The following ADORA1 variants were observed in gnomAD, a reference collection of about 807,000 sequenced individuals.
ADORA1 encodes adenosine A1 receptor, also known as adenosine receptor A1.
A neutral mutation model predicts 19.9 loss-of-function variants in ADORA1; 6 were observed. The ratio of observed to expected loss-of-function variants is 0.30; its 90% CI spans 0.17 to 0.59. ADORA1 has a LOEUF of 0.59. ADORA1 is among the 20% of genes least tolerant of loss of function. The probability of loss-of-function intolerance (pLI) is 0.87; values close to 1 mark genes in which losing one functional copy is unlikely to be tolerated. For missense variants in ADORA1, 302 were observed against 439.2 expected (o/e 0.69, Z 2.79); for synonymous variants, 194 against 188.4 (o/e 1.03, Z -0.24).
intron 3 of ADORA1, among the ~76,000 whole-genome samples, chr1:203,133,414 C>G (rs910207415): frequency 6.6e-6 from 1 of 152,210 alleles, no homozygotes; most frequent in Non-Finnish European, 1.5e-5. Context: ...CTCGCCTGGC[C>G]TCTCTATAGA....
chr1:203,156,155 G>A (rs779504326), intron 3 of ADORA1, among the ~76,000 whole-genome samples: 1 of 152,118 alleles, frequency 6.6e-6, no homozygotes, highest in Non-Finnish European at 1.5e-5. Context: ...GTCCTACTGG[G>A]GCTTACATTC....
chr1:203,149,482 TC>T (rs1178465199), intron 3 of ADORA1, among the ~76,000 whole-genome samples: 2 of 152,240 alleles, frequency 1.3e-5, no homozygotes, highest in East Asian at 3.9e-4. Context: ...ACAGACCAGC[TC>T]CCAGAGGAGG....
At chr1:203,141,987 C>T (rs1461302678) in intron 3 of ADORA1, among the ~76,000 whole-genome samples, 1 of 152,200 alleles carries the variant, frequency 6.6e-6, no homozygotes, top group African/African-American at 2.4e-5. Context: ...TCTCCCCAGG[C>T]AGTCAGACTG....
In ADORA1 at chr1:203,144,272, G is replaced by C. The variant is rs183706512; in HGVS notation, c.341+15090G>C. Reference sequence around the variant, plus strand: ...ATAACCCTTATCAAATTGCACTGGCGTGTGAGCAATTTGAAAGTGGGGTCC... The same window carrying C: ...ATAACCCTTATCAAATTGCACTGGCCTGTGAGCAATTTGAAAGTGGGGTCC... On this transcript the variant is annotated intron_variant, in intron 3 of 3. Transcript: ENST00000337894. 3.9e-5 allele frequency among the ~76,000 whole-genome samples: 6 copies of C among 152,186 alleles called. No individual in the cohort carries two copies. The East Asian group carries it at 1.2e-3, about 29-fold the overall frequency.
At chr1:203,137,062 G>C (rs1418630468) in intron 3 of ADORA1, among the ~76,000 whole-genome samples, 1 of 152,174 alleles carries the variant, frequency 6.6e-6, no homozygotes, top group African/African-American at 2.4e-5. Context: ...AAAAGAAAAA[G>C]GGGGCAGGGT....
chr1:203,131,976 GGT>G (rs1244089560), intron 3 of ADORA1, among the ~76,000 whole-genome samples: 1 of 152,206 alleles, frequency 6.6e-6, no homozygotes, highest in Non-Finnish European at 1.5e-5. Flanking sequence ...CCCGGATACA[GGT>G]GTCTGCTGGC....
At position 203,128,752 on chromosome 1, in the gene ADORA1, G is replaced by T. The variant is rs201916217; in HGVS notation, c.-57-33G>T. 2.2e-5 allele frequency: 34 copies of T among 1,513,810 alleles called. No homozygotes were observed. The highest frequency in any genetic ancestry group is 2.8e-5 in the Non-Finnish European group (32 of 1,138,588). 93.8% of individuals were successfully genotyped at this position (1,513,810 alleles called of 1,614,324 possible). A position where few individuals can be genotyped will look rare whatever the true frequency, so the allele number is the denominator to read the frequency against. On this transcript the variant is annotated intron_variant, in intron 2 of 3. Coordinates refer to ENST00000337894, the MANE Select transcript of ADORA1 (RefSeq NM_000674.3). This position sits in a 1 kb window ranked among gnomAD's most constrained non-coding sequence, Gnocchi z 5.9. ...TGAGCTCCCTGCCCCTCCCAGACGGGTCTCCCCATCCCAGGCTTCCCTGAC... is the reference window on the plus strand; with the variant it reads ...TGAGCTCCCTGCCCCTCCCAGACGGTTCTCCCCATCCCAGGCTTCCCTGAC...
chr1:203,140,649 C>T (rs761108641), intron 3 of ADORA1, among the ~76,000 whole-genome samples: 1 of 152,152 alleles, frequency 6.6e-6, no homozygotes, highest in African/African-American at 2.4e-5. Context: ...TCCAGACATT[C>T]CCAGGTGCCT....
intron 3 of ADORA1, among the ~76,000 whole-genome samples, chr1:203,139,061 T>C (rs1214495879): frequency 6.6e-6 from 1 of 152,190 alleles, no homozygotes; most frequent in Non-Finnish European, 1.5e-5. Context: ...TCCAGTGATC[T>C]GCCCGCCTCG....
chr1:203,139,444 C>A (rs1043198822), intron 3 of ADORA1, among the ~76,000 whole-genome samples: 1 of 152,070 alleles, frequency 6.6e-6, no homozygotes, highest in Non-Finnish European at 1.5e-5. Context: ...GAGCAGCAAG[C>A]GTGAAATAAT....
At chr1:203,160,786 A>G (rs1655338604) in intron 3 of ADORA1, among the ~76,000 whole-genome samples, 1 of 152,232 alleles carries the variant, frequency 6.6e-6, no homozygotes, top group African/African-American at 2.4e-5. Context: ...ACTCCAGCCT[A>G]GGAGACAGAG....
intron 3 of ADORA1, among the ~76,000 whole-genome samples, chr1:203,129,420 C>A (rs557550685): frequency 2.0e-5 from 3 of 152,186 alleles, no homozygotes; most frequent in Non-Finnish European, 4.4e-5. Context: ...GACCTCAGAG[C>A]TGAAGCTCTT....
At chr1:203,138,907 C>G (rs1321041592) in intron 3 of ADORA1, among the ~76,000 whole-genome samples, 1 of 152,132 alleles carries the variant, frequency 6.6e-6, no homozygotes, top group Non-Finnish European at 1.5e-5. Flanking sequence ...CAGCCTCCGC[C>G]TCCCGGGTTC....
At chr1:203,150,597 C>T (rs1571800318) in intron 3 of ADORA1, 1 of 1,282,838 alleles carries the variant, frequency 7.8e-7, no homozygotes, top group East Asian at 5.6e-5. Flanking sequence ...GGAGAAAGGC[C>T]AGGATCGGGG....
chr1:203,147,134 T>C (rs1654882247), intron 3 of ADORA1, among the ~76,000 whole-genome samples: 1 of 152,210 alleles, frequency 6.6e-6, no homozygotes, highest in Admixed American at 6.5e-5. Flanking sequence ...TTTTCCCACC[T>C]GTAAAGTGGC....
intron 3 of ADORA1, chr1:203,145,002 T>C (rs1487021379): frequency 6.6e-6 from 1 of 152,154 alleles, no homozygotes; most frequent in Non-Finnish European, 1.5e-5. Flanking sequence ...TGCTGTGGGT[T>C]CCCTCCCAGC....
chr1:203,145,959 C>T (rs1393933422), intron 3 of ADORA1, among the ~76,000 whole-genome samples: 2 of 152,186 alleles, frequency 1.3e-5, no homozygotes, highest in Non-Finnish European at 2.9e-5. Flanking sequence ...AAGCCCTGCA[C>T]TCAGGTCAGA....
chr1:203,128,795 C>T lies in ADORA1; in HGVS notation c.-47C>T, dbSNP rs754376012. The stretch of plus-strand genomic sequence containing the variant: ...TCCCTGACCACACAGGTGCTTGCCT[C>T]GTGCCCCTTGGTGCCCGTCTGCTGA... On this transcript the variant is annotated 5_prime_UTR_variant, in exon 3 of 4. Coordinates refer to ENST00000337894, the MANE Select transcript of ADORA1 (RefSeq NM_000674.3). The surrounding 1 kb of genome is among the most constrained non-coding windows in gnomAD (Gnocchi z 5.9). The T allele has an allele frequency of 2.6e-6, 4 of 1,548,514 alleles. No homozygotes were observed. In the South Asian group the frequency reaches 3.7e-5, roughly 14 times the overall value.
At chr1:203,143,056 C>A (rs1654745427) in intron 3 of ADORA1, among the ~76,000 whole-genome samples, 1 of 152,102 alleles carries the variant, frequency 6.6e-6, no homozygotes, top group Non-Finnish European at 1.5e-5. Flanking sequence ...GTGTCAGGTC[C>A]CAGGGGCTAA....
Sources: gnomAD v4.1 joint callset for allele counts (sites outside exome capture counted in the v4.1 genomes callset) on GRCh38, gnomAD v4.1.1 for gene constraint, Gnocchi (gnomAD v3.1) non-coding constraint, MANE v1.5 for transcripts, NCBI Gene and HGNC (gene_info 2026-07-23, HGNC 2026-07-21) for gene names.